Variants in GPC5 observed in about 807,000 individuals in gnomAD.
GPC5 encodes the protein glypican-5.
Under a neutral mutation model 53.9 loss-of-function variants are expected in GPC5, and 47 were observed. That is an observed-to-expected ratio of 0.87 (90% CI 0.69 to 1.11). The LOEUF (loss-of-function observed/expected upper bound fraction) is 1.11. GPC5 is among the 50% of genes most tolerant of loss of function. GPC5 has a pLI of 0.00. For synonymous variants in GPC5, 286 were observed against 263.3 expected, an observed-to-expected ratio of 1.09 and a Z score of -0.84; for missense variants, 748 against 713.1, an observed-to-expected ratio of 1.05 and a Z score of -0.56.
intron 6 of GPC5, among the ~76,000 whole-genome samples, chr13:92,140,202 G>A (rs1205246507): frequency 6.6e-6 from 1 of 152,152 alleles, no homozygotes; most frequent in Non-Finnish European, 1.5e-5. Context: ...TGTAAAAGAA[G>A]CATAAGCAAA....
At chr13:91,526,006 A>G (rs1886070284) in intron 2 of GPC5, among the ~76,000 whole-genome samples, 1 of 152,174 alleles carries the variant, frequency 6.6e-6, no homozygotes, top group East Asian at 1.9e-4. Context: ...GGGAGTAAGT[A>G]GTTGAGAATT....
intron 1 of GPC5, among the ~76,000 whole-genome samples, chr13:91,442,474 G>C (rs1261768763): frequency 6.6e-6 from 1 of 152,200 alleles, no homozygotes; most frequent in Non-Finnish European, 1.5e-5. Context: ...TAAGCACAGT[G>C]TTGTGCAACA....
At chr13:92,099,000 A>C in intron 6 of GPC5, among the ~76,000 whole-genome samples, 1 of 147,436 alleles carries the variant, frequency 6.8e-6, no homozygotes, top group Non-Finnish European at 1.5e-5. Flanking sequence ...ATCTCTATTC[A>C]CCTATTCCCT....
chr13:91,548,012 A>C (rs2030396838), intron 2 of GPC5, among the ~76,000 whole-genome samples: 1 of 152,134 alleles, frequency 6.6e-6, no homozygotes, highest in East Asian at 1.9e-4. Context: ...CTAACATCAT[A>C]CTTAATGAAG....
intron 7 of GPC5, among the ~76,000 whole-genome samples, chr13:92,493,722 A>G (rs536002144): frequency 3.9e-5 from 6 of 152,262 alleles, no homozygotes; most frequent in Admixed American, 3.3e-4. Flanking sequence ...AGGCATTGTA[A>G]TTGAGACTTC....
intron 7 of GPC5, among the ~76,000 whole-genome samples, chr13:92,334,333 C>A (rs1333499777): frequency 1.3e-5 from 2 of 152,140 alleles, no homozygotes; most frequent in Admixed American, 1.3e-4. Flanking sequence ...GAGACTTATT[C>A]ATTATCATGA....
intron 5 of GPC5, among the ~76,000 whole-genome samples, chr13:91,893,193 T>C (rs532295444): frequency 6.6e-6 from 1 of 152,176 alleles, no homozygotes; most frequent in South Asian, 2.1e-4. Context: ...AAACTTTGCG[T>C]CAAATCCTAA....
At chr13:92,324,556 C>T (rs573001748) in intron 7 of GPC5, among the ~76,000 whole-genome samples, 16 of 151,586 alleles carry the variant, frequency 1.1e-4, no homozygotes, top group East Asian at 9.7e-4. Flanking sequence ...GTTTTAATAA[C>T]GATAAAATAC....
At chr13:92,127,064 A>G (rs746493796) in intron 6 of GPC5, among the ~76,000 whole-genome samples, 48 of 152,058 alleles carry the variant, frequency 3.2e-4, no homozygotes, top group Non-Finnish European at 1.2e-4. Flanking sequence ...TAAACTACTC[A>G]GAAGGAAAAG....
In GPC5 at chr13:91,477,556, T is replaced by C. The variant is rs569334658; in HGVS notation, c.325+28634T>C. Among the ~76,000 whole-genome samples, 4 of 152,212 alleles carry C rather than the reference T, an allele frequency of 2.6e-5. No individual in the cohort carries two copies. In the South Asian group the frequency reaches 8.3e-4, roughly 32 times the overall value. On this transcript the variant is annotated intron_variant, in intron 2 of 7. Transcript: ENST00000377067. ...AAAGGAGTCCAGTATTCAAAATAGG[T>C]TTAGTTGGACATACAAATTTTGGAA...
At chr13:91,810,637 C>G (rs2038295883) in intron 5 of GPC5, among the ~76,000 whole-genome samples, 1 of 151,822 alleles carries the variant, frequency 6.6e-6, no homozygotes, top group Non-Finnish European at 1.5e-5. Flanking sequence ...TGATGTGTCT[C>G]TCAGGATAAT....
intron 7 of GPC5, among the ~76,000 whole-genome samples, chr13:92,849,533 G>T (rs575134857): frequency 6.6e-6 from 1 of 152,236 alleles, no homozygotes; most frequent in Admixed American, 6.5e-5. Flanking sequence ...GTAAAACAGA[G>T]GCAAATTTTT....
At chr13:91,719,389 A>G (rs2036416589) in intron 3 of GPC5, among the ~76,000 whole-genome samples, 2 of 152,218 alleles carry the variant, frequency 1.3e-5, no homozygotes, top group Non-Finnish European at 2.9e-5. Flanking sequence ...ACCAGTGACC[A>G]TCAGGAGCTG....
At chr13:91,423,263 G>A (rs1878771236) in intron 1 of GPC5, among the ~76,000 whole-genome samples, 1 of 152,108 alleles carries the variant, frequency 6.6e-6, no homozygotes, top group Non-Finnish European at 1.5e-5. Flanking sequence ...CACTGCCAGG[G>A]CTCATGTCTC....
chr13:92,267,785 G>A (rs1358765334), intron 7 of GPC5, among the ~76,000 whole-genome samples: 1 of 152,016 alleles, frequency 6.6e-6, no homozygotes, highest in Non-Finnish European at 1.5e-5. Flanking sequence ...TTTGACTACA[G>A]TACAGAATTG....
chr13:91,525,961 G>A (rs1382184888), intron 2 of GPC5, among the ~76,000 whole-genome samples: 1 of 152,138 alleles, frequency 6.6e-6, no homozygotes, highest in Non-Finnish European at 1.5e-5. Flanking sequence ...GTCAAAAGTT[G>A]AATTTATGTA....
At chr13:92,619,848 T>C (rs1344402843) in intron 7 of GPC5, among the ~76,000 whole-genome samples, 3 of 152,002 alleles carry the variant, frequency 2.0e-5, no homozygotes, top group African/African-American at 7.2e-5. Flanking sequence ...ATATACTAAC[T>C]GAAACAAACA....
At chr13:92,642,422 C>A (rs1164199777) in intron 7 of GPC5, among the ~76,000 whole-genome samples, 1 of 152,170 alleles carries the variant, frequency 6.6e-6, no homozygotes, top group Non-Finnish European at 1.5e-5. Context: ...TTAATCCTAC[C>A]GTACTCAGTG....
At chr13:92,765,894 A>G (rs1467191275) in intron 7 of GPC5, among the ~76,000 whole-genome samples, 1 of 151,728 alleles carries the variant, frequency 6.6e-6, no homozygotes, top group Non-Finnish European at 1.5e-5. Context: ...TATTAATATA[A>G]TTTAAATATA....
Sources: gnomAD v4.1 joint callset for allele counts (sites outside exome capture counted in the v4.1 genomes callset) on GRCh38, gnomAD v4.1.1 for gene constraint, MANE v1.5 for transcripts, NCBI Gene and HGNC (gene_info 2026-07-23, HGNC 2026-07-21) for gene names.